OPRM1: variants seen among roughly 807,000 people sequenced by gnomAD.
OPRM1 encodes opioid receptor mu 1.
A neutral mutation model predicts 31.8 loss-of-function variants in OPRM1; 27 were observed. The ratio of observed to expected loss-of-function variants is 0.85; its 90% confidence interval spans 0.63 to 1.17. OPRM1 has a LOEUF of 1.17. OPRM1 is among the 50% of genes most tolerant of loss of function. OPRM1 has a pLI of 0.00. For synonymous variants in OPRM1, 196 were observed against 189.9 expected (o/e 1.03, Z -0.26); for missense variants, 536 against 511.1 (o/e 1.05, Z -0.47).
At position 154,131,782 on chromosome 6, in the gene OPRM1, C is replaced by A. The variant is rs1324685478; in HGVS notation, c.*13061C>A. ...TGTGTGTTTTTAAGCTCTTTCCCCA[C>A]ATCTGCTTTTCAAAAATATTTGCCT... On this transcript the variant is annotated 3_prime_UTR_variant, in exon 4 of 4. Transcript: ENST00000330432. Among the ~76,000 whole-genome samples, 1 of 152,166 alleles carries A rather than the reference C, an allele frequency of 6.6e-6. No individual in the cohort carries two copies. Among genetic ancestry groups the A allele is most frequent in the South Asian group, 2.1e-4 (1 of 4,832 alleles).
At chr6:154,148,802 TA>T (rs1158465532) in intron 3 of OPRM1, among the ~76,000 whole-genome samples, 1 of 152,178 alleles carries the variant, frequency 6.6e-6, no homozygotes, top group African/African-American at 2.4e-5. Context: ...GAGTCACCCA[TA>T]AGTGAGGCTG....
intron 3 of OPRM1, among the ~76,000 whole-genome samples, chr6:154,142,302 T>A (rs1798237290): frequency 6.6e-6 from 1 of 152,064 alleles, no homozygotes; most frequent in African/African-American, 2.4e-5. Flanking sequence ...CCATAGATAA[T>A]AACACCTGAA....
intron 3 of OPRM1, among the ~76,000 whole-genome samples, chr6:154,100,314 C>T (rs369540883): frequency 6.8e-4 from 94 of 137,768 alleles, no homozygotes; most frequent in African/African-American, 2.4e-3. Context: ...AGTCACAGAG[C>T]TCATGCAAGC....
intron 1 of OPRM1, among the ~76,000 whole-genome samples, chr6:154,043,151 G>T (rs989957472): frequency 5.9e-5 from 9 of 152,142 alleles, no homozygotes; most frequent in Admixed American, 2.6e-4. Context: ...GAAACTTTGA[G>T]ATTTCTGTGG....
At chr6:154,116,781 A>T (rs1263419658) in intron 3 of OPRM1, among the ~76,000 whole-genome samples, 1 of 151,998 alleles carries the variant, frequency 6.6e-6, no homozygotes. Flanking sequence ...CTAAGGCATA[A>T]CCTTTCTTAC....
At chr6:154,039,065 A>G, upstream of OPRM1, 2 of 1,386,934 alleles carry the variant, frequency 1.4e-6, no homozygotes, top group Non-Finnish European at 1.9e-6. Flanking sequence ...GGCGCTGGAA[A>G]ATTGAGTGAT....
At chr6:154,194,170 C>A (rs1350536871) in intron 3 of OPRM1, among the ~76,000 whole-genome samples, 4 of 152,094 alleles carry the variant, frequency 2.6e-5, no homozygotes, top group Non-Finnish European at 5.9e-5. Context: ...GAGGCCGAGG[C>A]GGGTGGATCA....
intron 3 of OPRM1, among the ~76,000 whole-genome samples, chr6:154,144,353 A>T (rs980330082): frequency 3.3e-5 from 5 of 152,260 alleles, no homozygotes; most frequent in Non-Finnish European, 7.3e-5. Context: ...AGATAAAGAT[A>T]GCACCAAAAA....
intron 1 of OPRM1, among the ~76,000 whole-genome samples, chr6:154,019,881 A>C (rs560456822): frequency 2.0e-5 from 3 of 151,090 alleles, no homozygotes; most frequent in Non-Finnish European, 4.4e-5. Context: ...CTACAGACAC[A>C]TGCCACCGTG....
chr6:154,073,226 C>T (rs1787175220), intron 1 of OPRM1, among the ~76,000 whole-genome samples: 1 of 152,056 alleles, frequency 6.6e-6, no homozygotes, highest in Non-Finnish European at 1.5e-5. Context: ...CACTGATGTT[C>T]CATAATGAGG....
chr6:154,012,629 A>G (rs1167813516), intron 1 of OPRM1, among the ~76,000 whole-genome samples: 2 of 152,034 alleles, frequency 1.3e-5, no homozygotes, highest in Non-Finnish European at 2.9e-5. Flanking sequence ...GAATGTATTC[A>G]TTTTCAGCAA....
In OPRM1 at chr6:154,124,824, G is replaced by A. The variant is rs1797494676; in HGVS notation, c.*6103G>A. Among the ~76,000 whole-genome samples the A allele has an allele frequency of 6.6e-6, 1 of 152,138 alleles. No individual in the cohort carries two copies. Among genetic ancestry groups the A allele is most frequent in the African/African-American group, 2.4e-5 (1 of 41,426 alleles). On this transcript the variant is annotated 3_prime_UTR_variant, in exon 4 of 4. Coordinates refer to ENST00000330432, the MANE Select transcript of OPRM1 (RefSeq NM_000914.5). The stretch of plus-strand genomic sequence containing the variant: ...TACTCATATTAACCATTCTACCATT[G>A]GAATTATTTGCCAACACACCTTGCT...
chr6:154,244,889 A>G (rs886837484), intron 3 of OPRM1, among the ~76,000 whole-genome samples: 7 of 152,184 alleles, frequency 4.6e-5, no homozygotes, highest in African/African-American at 1.7e-4. Flanking sequence ...TCTTTCCAAC[A>G]GCCTCTGGAA....
intron 3 of OPRM1, among the ~76,000 whole-genome samples, chr6:154,095,399 G>T (rs544676946): frequency 6.6e-6 from 1 of 152,332 alleles, no homozygotes; most frequent in East Asian, 1.9e-4. Flanking sequence ...TTCAGGAGAT[G>T]TGGCAGGCAT....
Position 154,168,383 on chromosome 6 carries a change from G to A in OPRM1, c.1164+76911G>A, listed in dbSNP as rs139219640. On this transcript the variant is annotated intron_variant, in intron 3 of 3. Transcript: ENST00000337049. This position sits in a 1 kb window ranked among gnomAD's most constrained non-coding sequence, Gnocchi z 4.1. ...TCAAGTGGTTTTTTGGTTTGTGGCA[G>A]TATAACTCCAATATTCACATGGGGT... Among the ~76,000 whole-genome samples, 5 of 152,216 alleles carry A rather than the reference G, an allele frequency of 3.3e-5. No homozygotes were observed. The highest frequency in any genetic ancestry group is 1.2e-4 in the African/African-American group (5 of 41,534).
intron 3 of OPRM1, among the ~76,000 whole-genome samples, chr6:154,114,971 C>T (rs1249255974): frequency 1.3e-5 from 2 of 151,846 alleles, no homozygotes; most frequent in African/African-American, 4.8e-5. Context: ...ATGGCTCTTC[C>T]AATCAAAAAA....
At chr6:154,180,417 T>A (rs1239573847) in intron 3 of OPRM1, among the ~76,000 whole-genome samples, 12 of 46,910 alleles carry the variant, frequency 2.6e-4, no homozygotes, top group South Asian at 1.9e-3. Context: ...TATATATATT[T>A]TTTTTTTAAA....
At position 154,180,412 on chromosome 6, in the gene OPRM1, A is replaced by ATTTT. The variant is rs1301879776; in HGVS notation, c.1165-66280_1165-66279insTTTT. On this transcript the variant is annotated intron_variant, in intron 3 of 3. Transcript: ENST00000337049. ...TATATATATATATATATATATATAT[A>ATTTT]TATTTTTTTTTTAAACATGATCCTT... is the stretch of plus-strand genomic sequence containing the variant. Among the ~76,000 whole-genome samples the ATTTT allele has an allele frequency of 2.6e-3, 134 of 50,792 alleles. 1 individual carries two copies. Among genetic ancestry groups the ATTTT allele is most frequent in the South Asian group, 0.022 (53 of 2,378 alleles). The allele number at this position is 50,792 out of a possible 152,430, so 33.3% of individuals were successfully genotyped here.
chr6:154,149,635 T>TAGAGAG (rs57957225), intron 3 of OPRM1, among the ~76,000 whole-genome samples: 36 of 148,234 alleles, frequency 2.4e-4, no homozygotes, highest in African/African-American at 8.2e-4. Context: ...CGTGTGTGTG[T>TAGAGAG]AGAGAGAGAG....
Sources: allele counts gnomAD v4.1 joint callset (sites outside exome capture counted in the v4.1 genomes callset), GRCh38; gene constraint gnomAD v4.1.1; non-coding constraint Gnocchi (gnomAD v3.1); transcripts MANE v1.5; gene names NCBI Gene and HGNC (gene_info 2026-07-23, HGNC 2026-07-21).